Variants in YIPF4 observed in about 807,000 individuals in gnomAD.
YIPF4 encodes Yip1 domain family member 4, also known as protein YIPF4.
A neutral mutation model predicts 29.4 loss-of-function variants in YIPF4; 18 were observed. That is an observed-to-expected ratio of 0.61 (90% CI 0.42 to 0.91). The LOEUF (loss-of-function observed/expected upper bound fraction) is 0.91, where lower values mean the gene tolerates loss of function less well. Ranked by LOEUF, YIPF4 falls within the 40% of genes least tolerant of loss-of-function variation. The probability of loss-of-function intolerance (pLI) is 0.00; values close to 1 mark genes in which losing one functional copy is unlikely to be tolerated. For missense variants in YIPF4, 279 were observed against 282.7 expected, an observed-to-expected ratio of 0.99 and a Z score of 0.09; for synonymous variants, 115 against 104.7, an observed-to-expected ratio of 1.10 and a Z score of -0.60.
intron 3 of YIPF4, among the ~76,000 whole-genome samples, chr2:32,293,964 C>T (rs185809516): frequency 0.022 from 3,248 of 145,710 alleles, 135 homozygotes; most frequent in African/African-American, 0.072. Flanking sequence ...ACCTCCCTCC[C>T]GGACGGGGCG....
chr2:32,303,659 G>A (rs970092576), intron 5 of YIPF4, among the ~76,000 whole-genome samples: 1 of 152,194 alleles, frequency 6.6e-6, no homozygotes, highest in Non-Finnish European at 1.5e-5. Flanking sequence ...GTACTCCAGT[G>A]TAGGTGACAG....
At position 32,292,328 on chromosome 2, in the gene YIPF4, T is replaced by G; in HGVS notation, c.385T>G (p.Ser129Ala). 1 of 1,597,838 alleles carries G rather than the reference T, an allele frequency of 6.3e-7. No individual in the cohort carries two copies. Among genetic ancestry groups the G allele is most frequent in the East Asian group, 2.2e-5 (1 of 44,612 alleles). The stretch of plus-strand genomic sequence containing the variant: ...TGTTGTTCTTTTCTTTTCCATGATA[T>G]CATTATATGGACAGTTTAGGGTAAG... ...LAVVLFFSMI[S>A]LYGQFRVVSW... Residue 129 changes from serine to alanine, a missense_variant, in exon 3 of 6, where the codon TCA becomes GCA. Transcript: ENST00000238831.
rs147919518 is a variant in YIPF4, at chr2:32,301,896, G to C, written c.597+401G>C. 2.1e-3 allele frequency among the ~76,000 whole-genome samples: 318 copies of C among 152,154 alleles called. 1 individual carries two copies. Among genetic ancestry groups the C allele is most frequent in the African/African-American group, 7.1e-3 (294 of 41,528 alleles). ...AATTTTTTGTTTTTAGTAGAGATGGGGTTTCACCATGTTGGCCAGACTGGT... is the reference window on the plus strand; with the variant it reads ...AATTTTTTGTTTTTAGTAGAGATGGCGTTTCACCATGTTGGCCAGACTGGT... On this transcript the variant is annotated intron_variant, in intron 5 of 5. Coordinates refer to ENST00000238831, the MANE Select transcript of YIPF4 (RefSeq NM_032312.4).
At chr2:32,305,137 T>C (rs978554212) in intron 5 of YIPF4, among the ~76,000 whole-genome samples, 1 of 152,140 alleles carries the variant, frequency 6.6e-6, no homozygotes, top group African/African-American at 2.4e-5. Flanking sequence ...AGGGAACTTA[T>C]TTAAAATACT....
Position 32,313,137 on chromosome 2 carries a change from A to G in YIPF4, c.*7511A>G, listed in dbSNP as rs2148970876. On this transcript the variant is annotated 3_prime_UTR_variant, in exon 6 of 6. Transcript: ENST00000238831. ...GCCTGTGGTGGTAAGCAAGTATATA[A>G]AAGAAGCCTTCCTTGAAGCAACGAT... is the stretch of plus-strand genomic sequence containing the variant. The G allele has an allele frequency of 6.6e-6, 1 of 152,314 alleles. No homozygotes were observed. Among genetic ancestry groups the G allele is most frequent in the South Asian group, 2.1e-4 (1 of 4,824 alleles). The allele number at this position is 152,314 out of a possible 1,614,324, so 9.4% of individuals were successfully genotyped here.
intron 1 of YIPF4, among the ~76,000 whole-genome samples, chr2:32,281,102 A>G (rs1054262834): frequency 1.3e-5 from 2 of 152,206 alleles, no homozygotes; most frequent in Non-Finnish European, 1.5e-5. Context: ...AGTTTATTCA[A>G]ACTTCTCTGT....
chr2:32,301,336 T>C (rs774970315), intron 4 of YIPF4, 46 bp from the exon 5 acceptor site: 6 of 1,195,786 alleles, frequency 5.0e-6, no homozygotes, highest in Middle Eastern at 1.9e-4. Flanking sequence ...TTAAAATGAG[T>C]ATCTTGATTT....
At chr2:32,304,054 ACT>A (rs1173511112) in intron 5 of YIPF4, among the ~76,000 whole-genome samples, 4 of 152,116 alleles carry the variant, frequency 2.6e-5, no homozygotes, top group East Asian at 1.9e-4. Flanking sequence ...AAAATGGAAA[ACT>A]CTTTTTTATA....
intron 3 of YIPF4, among the ~76,000 whole-genome samples, chr2:32,296,236 C>G (rs952788431): frequency 6.6e-6 from 1 of 151,920 alleles, no homozygotes; most frequent in South Asian, 2.1e-4. Context: ...GCCTACAGAC[C>G]GAGGCGGGTG....
intron 3 of YIPF4, among the ~76,000 whole-genome samples, chr2:32,297,685 TAAAA>T (rs1336941266): frequency 6.6e-6 from 1 of 151,938 alleles, no homozygotes; most frequent in Non-Finnish European, 1.5e-5. Context: ...TAATAAATAA[TAAAA>T]GAAACCAGTA....
chr2:32,312,936 AG>A lies in YIPF4; in HGVS notation c.*7311del. ...AACCCGGGAGGCGGAGCTTGCAGTAAGCAGAGATCGCGCCACTGCACTCCCG... is the reference window on the plus strand; with the variant it reads ...AACCCGGGAGGCGGAGCTTGCAGTAACAGAGATCGCGCCACTGCACTCCCG... On this transcript the variant is annotated 3_prime_UTR_variant, in exon 6 of 6. Transcript: ENST00000238831. 1 of 152,402 alleles carries A rather than the reference AG, an allele frequency of 6.6e-6. No individual in the cohort carries two copies. The highest frequency in any genetic ancestry group is 2.1e-4 in the South Asian group (1 of 4,828). 9.4% of individuals were successfully genotyped at this position (152,402 alleles called of 1,614,324 possible).
chr2:32,287,131 G>C (rs2030711969), intron 1 of YIPF4, among the ~76,000 whole-genome samples: 1 of 152,120 alleles, frequency 6.6e-6, no homozygotes, highest in Admixed American at 6.6e-5. Flanking sequence ...TGTAATCCCA[G>C]CTACTCGAGA....
At position 32,292,192 on chromosome 2, in the gene YIPF4, T is replaced by G. The variant is rs745960525; in HGVS notation, c.249T>G (p.Ile83Met). ...DNKPLLEELD[I>M]DLKDIYYKIR... ...AAAATTATAGGGAAGAATTGGACAT[T>G]GATCTAAAGGATATTTACTACAAAA... The change falls in exon 3 of 6, where the codon ATT becomes ATG. Residue 83 changes from isoleucine (I) to methionine (M), a missense_variant. Transcript: ENST00000238831. The G allele has an allele frequency of 6.6e-7, 1 of 1,522,314 alleles. No individual in the cohort carries two copies. Among genetic ancestry groups the G allele is most frequent in the East Asian group, 2.3e-5 (1 of 42,806 alleles). 94.3% of individuals were successfully genotyped at this position (1,522,314 alleles called of 1,614,324 possible).
At chr2:32,278,268 GA>G in intron 1 of YIPF4, 34 bp downstream of exon 1, 10 of 1,527,982 alleles carry the variant, frequency 6.5e-6, no homozygotes, top group Non-Finnish European at 7.9e-6. Context: ...CTATCACCCG[GA>G]GGAAGCCAGG....
chr2:32,303,947 A>G (rs1286601465), intron 5 of YIPF4, among the ~76,000 whole-genome samples: 3 of 152,202 alleles, frequency 2.0e-5, no homozygotes, highest in African/African-American at 7.2e-5. Context: ...GACTACTCCC[A>G]AAATGGTTAA....
chr2:32,298,087 T>C (rs1283652107), intron 3 of YIPF4, 147 bp from the exon 4 acceptor site: 2 of 572,852 alleles, frequency 3.5e-6, no homozygotes, highest in Non-Finnish European at 6.2e-6. Flanking sequence ...TATTAAGTTT[T>C]GGAGTAATAC....
chr2:32,289,240 C>T (rs1417207117), intron 1 of YIPF4, among the ~76,000 whole-genome samples: 1 of 152,092 alleles, frequency 6.6e-6, no homozygotes, highest in Non-Finnish European at 1.5e-5. Context: ...GAAACTAGGG[C>T]CCGGAAAACA....
Position 32,305,761 on chromosome 2 carries a change from T to G in YIPF4, c.*135T>G. The G allele has an allele frequency of 8.0e-7, 1 of 1,254,058 alleles. No individual in the cohort carries two copies. The highest frequency in any genetic ancestry group is 3.4e-5 in the South Asian group (1 of 29,030). 77.7% of individuals were successfully genotyped at this position (1,254,058 alleles called of 1,614,324 possible). ...AGATGGAAAGGGAAGTCTAAGCGCT[T>G]TTTAAAACAATTTTTTTTTGTATTT... On this transcript the variant is annotated 3_prime_UTR_variant, in exon 6 of 6. Coordinates refer to ENST00000238831, the MANE Select transcript of YIPF4 (RefSeq NM_032312.4).
At chr2:32,282,963 G>C (rs917570048) in intron 1 of YIPF4, among the ~76,000 whole-genome samples, 1 of 151,752 alleles carries the variant, frequency 6.6e-6, no homozygotes, top group Non-Finnish European at 1.5e-5. Flanking sequence ...TGTAGTCCCA[G>C]CTACTCTGGA....
Sources: gnomAD v4.1 joint callset for allele counts (sites outside exome capture counted in the v4.1 genomes callset) on GRCh38, gnomAD v4.1.1 for gene constraint, MANE v1.5 for transcripts, NCBI Gene and HGNC (gene_info 2026-07-23, HGNC 2026-07-21) for gene names.